GPC5: variants seen among roughly 807,000 people sequenced by gnomAD.
GPC5 encodes the protein glypican-5.
A neutral mutation model predicts 53.9 loss-of-function variants in GPC5; 47 were observed. That is an observed-to-expected ratio of 0.87 (90% CI 0.69 to 1.11). GPC5 has a LOEUF of 1.11. GPC5 is among the 50% of genes most tolerant of loss of function. The pLI is 0.00. For synonymous variants in GPC5, 286 were observed against 263.3 expected, an observed-to-expected ratio of 1.09 and a Z score of -0.84; for missense variants, 748 against 713.1, an observed-to-expected ratio of 1.05 and a Z score of -0.56.
At chr13:92,618,394 C>T (rs1884767066) in intron 7 of GPC5, among the ~76,000 whole-genome samples, 1 of 151,978 alleles carries the variant, frequency 6.6e-6, no homozygotes, top group African/African-American at 2.4e-5. Context: ...TAACTTCAGT[C>T]ACTCTTTATG....
chr13:92,100,110 A>T (rs781757338), intron 6 of GPC5, among the ~76,000 whole-genome samples: 25 of 152,296 alleles, frequency 1.6e-4, no homozygotes, highest in South Asian at 8.3e-4. Flanking sequence ...ACTACATTAA[A>T]AAAATAAAAA....
chr13:92,850,704 C>G (rs934949407), intron 7 of GPC5, among the ~76,000 whole-genome samples: 5 of 152,162 alleles, frequency 3.3e-5, no homozygotes, highest in Non-Finnish European at 5.9e-5. Flanking sequence ...AAAGCTGTAA[C>G]GAGGAGTTAT....
At chr13:92,750,742 T>G (rs1889365004) in intron 7 of GPC5, among the ~76,000 whole-genome samples, 1 of 152,216 alleles carries the variant, frequency 6.6e-6, no homozygotes. Context: ...CAGTTCATTC[T>G]GAGTTAAGCA....
chr13:91,827,637 A>G (rs375504206), intron 5 of GPC5, among the ~76,000 whole-genome samples: 6 of 152,074 alleles, frequency 3.9e-5, no homozygotes, highest in African/African-American at 1.4e-4. Context: ...AGAAATGTAA[A>G]TCAAGACTGC....
chr13:91,763,941 A>T (rs2037469753), intron 5 of GPC5, among the ~76,000 whole-genome samples: 1 of 152,224 alleles, frequency 6.6e-6, no homozygotes, highest in South Asian at 2.1e-4. Context: ...ACTTTAAATC[A>T]TCTCTAGACT....
At chr13:91,904,144 T>TTC (rs2039529053) in intron 5 of GPC5, among the ~76,000 whole-genome samples, 3 of 142,826 alleles carry the variant, frequency 2.1e-5, no homozygotes, top group African/African-American at 7.7e-5. Context: ...TTCTTTCTTT[T>TTC]TTTTTTTTTT....
intron 2 of GPC5, among the ~76,000 whole-genome samples, chr13:91,560,072 G>T (rs1261606519): frequency 6.6e-6 from 1 of 152,036 alleles, no homozygotes; most frequent in African/African-American, 2.4e-5. Context: ...ATGTTATCTT[G>T]TGCAACTTGA....
chr13:92,037,273 C>G (rs2040901376), intron 6 of GPC5, among the ~76,000 whole-genome samples: 1 of 152,094 alleles, frequency 6.6e-6, no homozygotes. Context: ...CTTGCTATTC[C>G]TCCAAAATAC....
chr13:92,032,150 G>A (rs1446372056), intron 6 of GPC5, among the ~76,000 whole-genome samples: 1 of 147,786 alleles, frequency 6.8e-6, no homozygotes, highest in Non-Finnish European at 1.5e-5. Flanking sequence ...GATGGAACTG[G>A]GGACCATTAT....
At chr13:92,221,510 A>G (rs1393763097) in intron 7 of GPC5, among the ~76,000 whole-genome samples, 1 of 152,016 alleles carries the variant, frequency 6.6e-6, no homozygotes, top group Non-Finnish European at 1.5e-5. Context: ...ACAGGATCCT[A>G]TGTTTTCCCA....
intron 6 of GPC5, among the ~76,000 whole-genome samples, chr13:92,144,183 G>T (rs1168354985): frequency 6.6e-6 from 1 of 152,004 alleles, no homozygotes. Context: ...CATCTGTTTT[G>T]CTCATTAAAA....
chr13:91,446,998 A>G (rs900286190), intron 1 of GPC5, among the ~76,000 whole-genome samples: 1 of 152,210 alleles, frequency 6.6e-6, no homozygotes, highest in Non-Finnish European at 1.5e-5. Context: ...AAATAAGGCC[A>G]GAGTGTGATG....
At chr13:91,745,016 A>G (rs1374032869) in intron 4 of GPC5, among the ~76,000 whole-genome samples, 17 of 152,104 alleles carry the variant, frequency 1.1e-4, no homozygotes, top group Non-Finnish European at 1.9e-4. Context: ...TAGATGACCA[A>G]TTTCCCTAGT....
intron 7 of GPC5, among the ~76,000 whole-genome samples, chr13:92,583,055 T>C (rs1359250044): frequency 6.7e-6 from 1 of 148,836 alleles, no homozygotes; most frequent in Non-Finnish European, 1.5e-5. Context: ...GTGGACATCC[T>C]TGTCTTGTTC....
chr13:91,911,119 AAGGCC>A, intron 6 of GPC5, among the ~76,000 whole-genome samples: 1 of 152,212 alleles, frequency 6.6e-6, no homozygotes, highest in East Asian at 1.9e-4. Context: ...CAGAGAACAG[AAGGCC>A]ATGCAGCTAA....
chr13:92,270,050 G>A (rs1416856549), intron 7 of GPC5, among the ~76,000 whole-genome samples: 3 of 152,272 alleles, frequency 2.0e-5, no homozygotes, highest in South Asian at 4.1e-4. Context: ...GTTCAGGGAA[G>A]GGTAAGGAGG....
At chr13:92,738,721 C>A (rs2139307833) in intron 7 of GPC5, among the ~76,000 whole-genome samples, 1 of 152,192 alleles carries the variant, frequency 6.6e-6, no homozygotes, top group African/African-American at 2.4e-5. Flanking sequence ...CCAAGCATCA[C>A]TTTATTCAAC....
At chr13:92,552,913 T>A (rs1882367166) in intron 7 of GPC5, among the ~76,000 whole-genome samples, 1 of 151,930 alleles carries the variant, frequency 6.6e-6, no homozygotes, top group Non-Finnish European at 1.5e-5. Flanking sequence ...TTCTCACTTG[T>A]ACTTTCTTTT....
chr13:92,439,015 A>C (rs1264473757), intron 7 of GPC5, among the ~76,000 whole-genome samples: 1 of 152,170 alleles, frequency 6.6e-6, no homozygotes, highest in Non-Finnish European at 1.5e-5. Flanking sequence ...CTCAGATAAA[A>C]GACCAGGACT....
Sources: gnomAD v4.1 joint callset for allele counts (sites outside exome capture counted in the v4.1 genomes callset) on GRCh38, gnomAD v4.1.1 for gene constraint, MANE v1.5 for transcripts, NCBI Gene and HGNC (gene_info 2026-07-23, HGNC 2026-07-21) for gene names.